The following DCC variants were observed in gnomAD, a reference collection of about 807,000 sequenced individuals.
DCC encodes netrin receptor DCC.
In DCC, 58 loss-of-function variants were observed where a neutral mutation model predicts 172.5. The ratio of observed to expected loss-of-function variants is 0.34; its 90% CI spans 0.27 to 0.42. The LOEUF (loss-of-function observed/expected upper bound fraction) is 0.42, where lower values mean the gene tolerates loss of function less well. Among genes scored for constraint, DCC ranks in the 10% least tolerant of loss-of-function variants. The pLI, the probability that DCC is intolerant of heterozygous loss-of-function variation, is 1.00. For missense variants in DCC, 1,740 were observed against 1,791.0 expected (o/e 0.97, Z 0.51); for synonymous variants, 709 against 644.5 (o/e 1.10, Z -1.52).
At chr18:53,122,352 A>C (rs2043494811) in intron 7 of DCC, among the ~76,000 whole-genome samples, 1 of 152,018 alleles carries the variant, frequency 6.6e-6, no homozygotes, top group Non-Finnish European at 1.5e-5. Context: ...GAATTGTGGT[A>C]TCTGATAGCA....
At chr18:53,343,726 T>C (rs1338218573) in intron 15 of DCC, among the ~76,000 whole-genome samples, 1 of 151,992 alleles carries the variant, frequency 6.6e-6, no homozygotes, top group African/African-American at 2.4e-5. Context: ...TTGTGTAAAA[T>C]GGATTTTATT....
chr18:52,472,405 A>G (rs1428480763), intron 1 of DCC, among the ~76,000 whole-genome samples: 1 of 152,122 alleles, frequency 6.6e-6, no homozygotes, highest in Non-Finnish European at 1.5e-5. Flanking sequence ...TGGTTGACCA[A>G]AGCTAATCTG....
At chr18:53,050,615 C>A (rs574645755) in intron 5 of DCC, among the ~76,000 whole-genome samples, 1 of 152,120 alleles carries the variant, frequency 6.6e-6, no homozygotes, top group East Asian at 1.9e-4. Flanking sequence ...GATTTTTGTA[C>A]ATTGATTTTG....
chr18:52,682,230 T>A (rs1391741377), intron 1 of DCC, among the ~76,000 whole-genome samples: 1 of 152,076 alleles, frequency 6.6e-6, no homozygotes, highest in Non-Finnish European at 1.5e-5. Context: ...GAAAAACACA[T>A]TACCTATTTG....
chr18:52,946,519 G>A (rs6508178), intron 5 of DCC, among the ~76,000 whole-genome samples: 1 of 151,788 alleles, frequency 6.6e-6, no homozygotes, highest in African/African-American at 2.4e-5. Flanking sequence ...AGTTCATCTG[G>A]GCTATGGGAT....
chr18:53,351,353 A>AGT (rs1568074860), intron 15 of DCC, among the ~76,000 whole-genome samples: 1 of 51,536 alleles, frequency 1.9e-5, no homozygotes, highest in East Asian at 2.8e-4. Flanking sequence ...ATATATACAC[A>AGT]GTATATATAT....
chr18:52,413,109 TG>T (rs1433768030), intron 1 of DCC, among the ~76,000 whole-genome samples: 1 of 149,056 alleles, frequency 6.7e-6, no homozygotes, highest in East Asian at 2.0e-4. Context: ...GAGGCTTATA[TG>T]TTTTTTTTTC....
Position 53,386,043 on chromosome 18 carries a change from A to C in DCC, c.2360A>C (p.Glu787Ala), listed in dbSNP as rs762179337. 5 of 1,598,856 alleles carry C rather than the reference A, an allele frequency of 3.1e-6. No homozygotes were observed. The Admixed American group carries it at 8.3e-5, about 27-fold the overall frequency. The stretch of plus-strand genomic sequence containing the variant: ...CATATTGTTTCTGTTTTTTCTCCAG[A>C]GTCAAGTTCCCATTATGTAATCTCC... ...KQRYYSIERL[E>A]SSSHYVISLK... The change falls in exon 16 of 29, where the codon GAG becomes GCG. Residue 787 changes from glutamate to alanine, a missense_variant and splice_region_variant. Coordinates refer to ENST00000442544, the MANE Select transcript of DCC (RefSeq NM_005215.4).
At chr18:53,475,644 C>T (rs962660749) in intron 25 of DCC, among the ~76,000 whole-genome samples, 2 of 152,172 alleles carry the variant, frequency 1.3e-5, no homozygotes, top group African/African-American at 4.8e-5. Context: ...TATGGAAATG[C>T]CTGGATGTCC....
At chr18:52,767,895 C>G (rs1207050553) in intron 2 of DCC, among the ~76,000 whole-genome samples, 1 of 152,164 alleles carries the variant, frequency 6.6e-6, no homozygotes, top group Non-Finnish European at 1.5e-5. Flanking sequence ...GATAATGCCT[C>G]CCCAGTAAGC....
chr18:52,607,777 A>G lies in DCC; in HGVS notation c.92-144277A>G, dbSNP rs2034168144. 1.3e-5 allele frequency among the ~76,000 whole-genome samples: 2 copies of G among 152,188 alleles called. 1 individual carries two copies. The highest frequency in any genetic ancestry group is 4.1e-4 in the South Asian group (2 of 4,830). On this transcript the variant is annotated intron_variant, in intron 1 of 28. Coordinates refer to ENST00000442544, the MANE Select transcript of DCC (RefSeq NM_005215.4). ...TCTATGACAATTTGATATCAATGCAATGTAAAATGCTGTGTAAAAATGATG... is the reference window on the plus strand; with the variant it reads ...TCTATGACAATTTGATATCAATGCAGTGTAAAATGCTGTGTAAAAATGATG...
At chr18:53,265,169 A>C (rs1036015281) in intron 12 of DCC, among the ~76,000 whole-genome samples, 4 of 152,130 alleles carry the variant, frequency 2.6e-5, no homozygotes, top group Non-Finnish European at 5.9e-5. Context: ...TTTCTTCCCA[A>C]ATGCTAGCTA....
intron 2 of DCC, among the ~76,000 whole-genome samples, chr18:52,772,043 T>C (rs1045107690): frequency 1.3e-5 from 2 of 152,136 alleles, no homozygotes; most frequent in Non-Finnish European, 2.9e-5. Context: ...TAATATCCTC[T>C]TTTTTTCCTA....
intron 1 of DCC, among the ~76,000 whole-genome samples, chr18:52,597,312 A>C (rs1370831155): frequency 1.3e-5 from 2 of 152,168 alleles, no homozygotes; most frequent in Non-Finnish European, 2.9e-5. Flanking sequence ...GCTGTTAATC[A>C]GAAGTGTTTA....
At chr18:52,467,054 ATAT>A (rs778035337) in intron 1 of DCC, among the ~76,000 whole-genome samples, 20 of 128,902 alleles carry the variant, frequency 1.6e-4, no homozygotes, top group African/African-American at 6.0e-4. Flanking sequence ...TAAAAAAAAA[ATAT>A]ATATATATAT....
intron 12 of DCC, among the ~76,000 whole-genome samples, chr18:53,259,377 C>T (rs1251298431): frequency 4.6e-5 from 7 of 152,148 alleles, no homozygotes; most frequent in African/African-American, 1.7e-4. Context: ...TTTAGTGCTT[C>T]CTTCAGGAGC....
At chr18:53,159,921 C>T (rs1329601828) in intron 8 of DCC, among the ~76,000 whole-genome samples, 1 of 152,064 alleles carries the variant, frequency 6.6e-6, no homozygotes, top group Non-Finnish European at 1.5e-5. Flanking sequence ...GCAGTCACTC[C>T]ACACAGGAAG....
chr18:53,059,107 G>A (rs920360699), intron 5 of DCC, among the ~76,000 whole-genome samples: 1 of 152,144 alleles, frequency 6.6e-6, no homozygotes, highest in South Asian at 2.1e-4. Flanking sequence ...GGAGCCAAAG[G>A]GGGAAAAGCC....
At chr18:52,861,629 A>G (rs1470650978) in intron 2 of DCC, among the ~76,000 whole-genome samples, 2 of 151,884 alleles carry the variant, frequency 1.3e-5, no homozygotes, top group African/African-American at 4.8e-5. Flanking sequence ...AACAAAATAT[A>G]AAAAAGAATC....
Sources: allele counts gnomAD v4.1 joint callset (sites outside exome capture counted in the v4.1 genomes callset), GRCh38; gene constraint gnomAD v4.1.1; transcripts MANE v1.5; gene names NCBI Gene and HGNC (gene_info 2026-07-23, HGNC 2026-07-21).